Variants in NCOA1 observed in about 807,000 individuals in gnomAD.
The protein encoded by NCOA1 is nuclear receptor coactivator 1.
NCOA1 carries 35 observed loss-of-function variants against 150.9 expected under a neutral mutation model. That is an observed-to-expected ratio of 0.23 (90% confidence interval 0.18 to 0.31). The LOEUF (loss-of-function observed/expected upper bound fraction) is 0.31. Among genes scored for constraint, NCOA1 ranks in the 10% least tolerant of loss-of-function variants. The pLI, the probability that NCOA1 is intolerant of heterozygous loss-of-function variation, is 1.00. For synonymous variants in NCOA1, 590 were observed against 630.0 expected, an observed-to-expected ratio of 0.94 and a Z score of 0.95; for missense variants, 1,491 against 1,749.3, an observed-to-expected ratio of 0.85 and a Z score of 2.63.
At chr2:24,618,735 C>T (rs1379578707) in intron 3 of NCOA1, among the ~76,000 whole-genome samples, 6 of 151,830 alleles carry the variant, frequency 4.0e-5, no homozygotes, top group East Asian at 1.9e-4. Context: ...ATTCAATAAA[C>T]AGTTCATTGG....
chr2:24,505,522 A>C (rs1030012746), intron 1 of NCOA1, among the ~76,000 whole-genome samples: 1 of 152,246 alleles, frequency 6.6e-6, no homozygotes, highest in African/African-American at 2.4e-5. Flanking sequence ...TATAAAATAC[A>C]TGATGACATT....
chr2:24,654,225 G>A (rs1020521732), intron 4 of NCOA1, among the ~76,000 whole-genome samples: 1 of 152,138 alleles, frequency 6.6e-6, no homozygotes, highest in South Asian at 2.1e-4. Flanking sequence ...GGTGGCTGTT[G>A]CAAGTCTGGT....
intron 1 of NCOA1, among the ~76,000 whole-genome samples, chr2:24,510,659 A>G (rs749147541): frequency 6.6e-6 from 1 of 152,138 alleles, no homozygotes; most frequent in African/African-American, 2.4e-5. Flanking sequence ...GTAGTGCACT[A>G]TATTTTCGGT....
chr2:24,713,775 A>C (rs1456587173), intron 14 of NCOA1, among the ~76,000 whole-genome samples: 1 of 152,212 alleles, frequency 6.6e-6, no homozygotes, highest in African/African-American at 2.4e-5. Flanking sequence ...GGTAGGAGGA[A>C]CCCAAAATAA....
chr2:24,669,584 C>T (rs1166627972), intron 6 of NCOA1, among the ~76,000 whole-genome samples: 1 of 152,076 alleles, frequency 6.6e-6, no homozygotes, highest in East Asian at 1.9e-4. Flanking sequence ...TGCTTACAAA[C>T]AAAATCCTTT....
intron 14 of NCOA1, among the ~76,000 whole-genome samples, chr2:24,716,427 A>G (rs954645934): frequency 6.6e-6 from 1 of 152,174 alleles, no homozygotes; most frequent in East Asian, 1.9e-4. Context: ...GACATTCAAC[A>G]AAGACACCAA....
At chr2:24,674,959 C>T (rs1356246056) in intron 7 of NCOA1, among the ~76,000 whole-genome samples, 1 of 152,192 alleles carries the variant, frequency 6.6e-6, no homozygotes, top group Non-Finnish European at 1.5e-5. Context: ...TGGCTTTTGA[C>T]ACTTACTGAC....
At chr2:24,661,554 C>G (rs1034051365) in intron 5 of NCOA1, among the ~76,000 whole-genome samples, 1 of 152,076 alleles carries the variant, frequency 6.6e-6, no homozygotes, top group Non-Finnish European at 1.5e-5. Flanking sequence ...TTCTTCTACT[C>G]TAAGGTTTTA....
chr2:24,500,216 C>T (rs367938679), intron 1 of NCOA1, among the ~76,000 whole-genome samples: 1 of 152,162 alleles, frequency 6.6e-6, no homozygotes. Context: ...TCAAGTGATT[C>T]TCCTGCCTCA....
At chr2:24,560,054 G>T (rs974784164) in intron 1 of NCOA1, among the ~76,000 whole-genome samples, 1 of 152,104 alleles carries the variant, frequency 6.6e-6, no homozygotes, top group Admixed American at 6.5e-5. Flanking sequence ...GATGATGAGG[G>T]CTCTCTCTGG....
At chr2:24,651,852 T>C (rs1572544466) in intron 4 of NCOA1, among the ~76,000 whole-genome samples, 1 of 152,060 alleles carries the variant, frequency 6.6e-6, no homozygotes, top group East Asian at 1.9e-4. Context: ...CCCTCAAGGA[T>C]GGCTGTAATT....
chr2:24,507,316 A>T (rs1663740179), intron 1 of NCOA1, among the ~76,000 whole-genome samples: 1 of 151,946 alleles, frequency 6.6e-6, no homozygotes, highest in African/African-American at 2.4e-5. Flanking sequence ...TTTCATCGTT[A>T]AATAGGGATG....
intron 19 of NCOA1, among the ~76,000 whole-genome samples, chr2:24,744,254 CA>C (rs1663770187): frequency 6.6e-6 from 1 of 152,100 alleles, no homozygotes; most frequent in South Asian, 2.1e-4. Flanking sequence ...AATATTTTCA[CA>C]AAATAAGAAT....
chr2:24,714,903 G>A (rs1673939915), intron 14 of NCOA1, among the ~76,000 whole-genome samples: 1 of 151,828 alleles, frequency 6.6e-6, no homozygotes, highest in African/African-American at 2.4e-5. Context: ...TAATCAAATT[G>A]CTGAAACAAA....
At chr2:24,572,858 A>G (rs1666796490) in intron 2 of NCOA1, among the ~76,000 whole-genome samples, 1 of 152,202 alleles carries the variant, frequency 6.6e-6, no homozygotes, top group African/African-American at 2.4e-5. Context: ...ATCACCAATT[A>G]CTTGACTGTG....
intron 11 of NCOA1, among the ~76,000 whole-genome samples, chr2:24,701,347 T>C (rs1673148785): frequency 6.6e-6 from 1 of 151,622 alleles, no homozygotes; most frequent in South Asian, 2.1e-4. Flanking sequence ...CTACAAAAAA[T>C]AAAAATACAA....
chr2:24,519,599 C>T (rs1055893013), intron 1 of NCOA1, among the ~76,000 whole-genome samples: 3 of 146,788 alleles, frequency 2.0e-5, no homozygotes, highest in Non-Finnish European at 4.4e-5. Flanking sequence ...GCTGGAGGAT[C>T]GTTTGAGGCC....
chr2:24,544,502 G>A (rs1336354457), intron 1 of NCOA1, among the ~76,000 whole-genome samples: 1 of 152,172 alleles, frequency 6.6e-6, no homozygotes, highest in African/African-American at 2.4e-5. Context: ...CAGCACTTTG[G>A]AAGGCCAAGG....
intron 1 of NCOA1, among the ~76,000 whole-genome samples, chr2:24,526,757 G>A (rs750375814): frequency 6.6e-6 from 1 of 151,752 alleles, no homozygotes; most frequent in Non-Finnish European, 1.5e-5. Flanking sequence ...TATTTAAGGT[G>A]TACAACATGA....
Sources: gnomAD v4.1 joint callset for allele counts (sites outside exome capture counted in the v4.1 genomes callset) on GRCh38, gnomAD v4.1.1 for gene constraint, MANE v1.5 for transcripts, NCBI Gene and HGNC (gene_info 2026-07-23, HGNC 2026-07-21) for gene names.